Variants in MYO1G observed in about 807,000 individuals in gnomAD.
The protein encoded by MYO1G is myosin IG.
A neutral mutation model predicts 115.3 loss-of-function variants in MYO1G; 65 were observed. That is an observed-to-expected ratio of 0.56 (90% CI 0.46 to 0.69). MYO1G has a LOEUF of 0.69. MYO1G is among the 30% of genes least tolerant of loss of function. The pLI, the probability that MYO1G is intolerant of heterozygous loss-of-function variation, is 0.00. For missense variants in MYO1G, 1,204 were observed against 1,393.5 expected, an observed-to-expected ratio of 0.86 and a Z score of 2.16; for synonymous variants, 510 against 552.6, an observed-to-expected ratio of 0.92 and a Z score of 1.08.
chr7:44,977,060 C>G lies in MYO1G; in HGVS notation c.107G>C (p.Gly36Ala). 1 of 1,612,378 alleles carries G rather than the reference C, an allele frequency of 6.2e-7. No individual in the cohort carries two copies. Among genetic ancestry groups the G allele is most frequent in the Non-Finnish European group, 8.5e-7 (1 of 1,179,660 alleles). ...CTCACCGATGTAGGTGTAGATGCGG[C>G]CCTTCTCGAACCTGGACACAGCAGG... ...MRNLQLRFEK[G>A]RIYTYIGEVL... Residue 36 changes from glycine (G) to alanine (A), a missense_variant, in exon 2 of 22, where the codon GGC (glycine) becomes GCC (alanine). By Grantham distance (60) the Gly-to-Ala change is moderately conservative. Transcript: ENST00000258787.
rs890157132 is a variant in MYO1G at position 44,965,760 on chromosome 7, G to C, written c.2258C>G (p.Ala753Gly). The change falls in exon 17 of 22, where the codon GCT (alanine) becomes GGT (glycine). Residue 753 changes from alanine (A) to glycine (G), a missense_variant. Ala to Gly is a moderately conservative substitution (Grantham distance 60, BLOSUM62 0). Transcript: ENST00000258787. ...AGCCTGGAATCGCCGCTGCAGCTCA[G>C]CCAGGTGAGCCCGCACCTTGTGTCT... ...FRRHKVRAHL[A>G]ELQRRFQAAR... 6.2e-7 allele frequency: 1 copy of C among 1,608,972 alleles called. No individual in the cohort carries two copies. Among genetic ancestry groups the C allele is most frequent in the Non-Finnish European group, 8.5e-7 (1 of 1,179,986 alleles).
Position 44,964,127 on chromosome 7 carries a change from G to A in MYO1G, c.2667C>T (p.Leu889=). ...NRFHKIRNRA[L]LLTDQHLYKL... is the part of the protein sequence containing the mutation. ...TGTAGAGGTGCTGGTCTGTGAGCAG[G>A]AGGGCCCGGTTCCGGATCTTGTGGA... Residue 889 remains leucine (L), a synonymous_variant, in exon 20 of 22, where the codon CTC becomes CTT. Transcript: ENST00000258787. This position sits in a 1 kb window ranked among gnomAD's most constrained non-coding sequence, Gnocchi z 5.1. 6.2e-7 allele frequency: 1 copy of A among 1,605,094 alleles called. No individual in the cohort carries two copies. Among genetic ancestry groups the A allele is most frequent in the Middle Eastern group, 1.7e-4 (1 of 6,038 alleles).
chr7:44,970,649 T>C lies in MYO1G; in HGVS notation c.1160A>G (p.Lys387Arg), dbSNP rs1344538725. ...GTCCAGCACGCCAATGACTGTGTCC[T>C]TGCCATCACGCCGAGGATCCCGGCC... is the stretch of plus-strand genomic sequence containing the variant. Reference protein sequence around the residue: ...PRGRDPRRDGKDTVIGVLDIY... With the variant: ...PRGRDPRRDGRDTVIGVLDIY... The change falls in exon 9 of 22, where the codon AAG becomes AGG. Residue 387 changes from lysine to arginine, a missense_variant. Physicochemically the swap from Lys to Arg is conservative, Grantham distance 26. Coordinates refer to ENST00000258787, the MANE Select transcript of MYO1G (RefSeq NM_033054.3). 1 of 1,613,918 alleles carries C rather than the reference T, an allele frequency of 6.2e-7. No homozygotes were observed. The highest frequency in any genetic ancestry group is 2.2e-5 in the East Asian group (1 of 44,892).
At position 44,963,849 on chromosome 7, in the gene MYO1G, G is replaced by T; in HGVS notation, c.2745+200C>A. ...GGTGGGGGGTGACTGGGCTGGTGGG[G>T]ATCACAGGATGGGACCTTTCACTCT... On this transcript the variant is annotated intron_variant, in intron 20 of 21. Coordinates refer to ENST00000258787, the MANE Select transcript of MYO1G (RefSeq NM_033054.3). The surrounding 1 kb of genome is among the most constrained non-coding windows in gnomAD (Gnocchi z 4.1). The T allele has an allele frequency of 1.7e-6, 1 of 579,056 alleles. No individual in the cohort carries two copies. Among genetic ancestry groups the T allele is most frequent in the Non-Finnish European group, 3.1e-6 (1 of 321,252 alleles). The allele number at this position is 579,056 out of a possible 1,614,324, so 35.9% of individuals were successfully genotyped here.
In MYO1G at chr7:44,963,119, C is replaced by G. The variant is rs761422374; in HGVS notation, c.2751G>C (p.Thr917=). 1.4e-6 allele frequency: 2 copies of G among 1,478,982 alleles called. No homozygotes were observed. The highest frequency in any genetic ancestry group is 1.8e-6 in the Non-Finnish European group (2 of 1,120,082). The allele number at this position is 1,478,982 out of a possible 1,614,324, so 91.6% of individuals were successfully genotyped here. The change falls in exon 21 of 22, where the codon ACG becomes ACC. Residue 917 remains threonine, a synonymous_variant. Transcript: ENST00000258787. The surrounding 1 kb of genome is among the most constrained non-coding windows in gnomAD (Gnocchi z 4.1). ...CTCCTCCGCTGGTCACGCTCAGCCC[C>G]GTCACCTGAGCGGAGCGCGGGGTCA... ...VMRAVPLEAV[T]GLSVTSGGDQ... is the part of the protein sequence containing the mutation.
chr7:44,969,911 G>A lies in MYO1G; in HGVS notation c.1333-36C>T. 5.0e-6 allele frequency: 8 copies of A among 1,589,020 alleles called. No homozygotes were observed. Among genetic ancestry groups the A allele is most frequent in the South Asian group, 2.3e-5 (2 of 86,986 alleles). ...GGCAGCCAGCAAGGAAGCTCCCAAGGTCTTTCAGGCCACCTCCCCTCCTCC... is the reference window on the plus strand; with the variant it reads ...GGCAGCCAGCAAGGAAGCTCCCAAGATCTTTCAGGCCACCTCCCCTCCTCC... On this transcript the variant is annotated intron_variant, in intron 10 of 21. Coordinates refer to ENST00000258787, the MANE Select transcript of MYO1G (RefSeq NM_033054.3). This position sits in a 1 kb window ranked among gnomAD's most constrained non-coding sequence, Gnocchi z 5.0.
chr7:44,978,856 C>G lies in MYO1G; in HGVS notation c.95+11G>C. On this transcript the variant is annotated intron_variant, in intron 1 of 21. Coordinates refer to ENST00000258787, the MANE Select transcript of MYO1G (RefSeq NM_033054.3). ...GAGGAGGGGAGCCACTGCCTCCTGC[C>G]CTGGGCCTACCTGAGCTGCAGGTTC... The G allele has an allele frequency of 6.2e-7, 1 of 1,613,422 alleles. No homozygotes were observed. Among genetic ancestry groups the G allele is most frequent in the Non-Finnish European group, 8.5e-7 (1 of 1,179,388 alleles).
At position 44,975,353 on chromosome 7, in the gene MYO1G, C is replaced by T. The variant is rs1171421659; in HGVS notation, c.565-126G>A. On this transcript the variant is annotated intron_variant, in intron 4 of 21. Coordinates refer to ENST00000258787, the MANE Select transcript of MYO1G (RefSeq NM_033054.3). ...AGTCCTGACTATGAGGACACTGAGG[C>T]CCAGAGAAGGGCCACAGGGAGAGAC... The T allele has an allele frequency of 2.7e-6, 4 of 1,495,870 alleles. No homozygotes were observed. In the African/African-American group the frequency reaches 5.5e-5, roughly 21 times the overall value. The allele number at this position is 1,495,870 out of a possible 1,614,324, so 92.7% of individuals were successfully genotyped here.
Position 44,976,891 on chromosome 7 carries a change from C to T in MYO1G, c.276G>A (p.Arg92=). 1.9e-6 allele frequency: 3 copies of T among 1,613,478 alleles called. No homozygotes were observed. The highest frequency in any genetic ancestry group is 2.5e-6 in the Non-Finnish European group (3 of 1,180,038). The part of the protein sequence containing the change: ...ANAAYKAMKH[R]SRDTCIVISG... The stretch of plus-strand genomic sequence containing the variant: ...AGATGACGATGCAGGTGTCCCTGGA[C>T]CGGTGCTTCATTGCCTTGTAGGCGG... Residue 92 remains arginine (R), a synonymous_variant, in exon 2 of 22, where the codon CGG becomes CGA. Transcript: ENST00000258787.
chr7:44,962,955 C>G lies in MYO1G; in HGVS notation c.2900+15G>C. Reference sequence around the variant, plus strand: ...GCCGGGGCTTCGTGCCCGCTACCGCCCAGCCTGCACTCACCCCTGGCAGTG... The same window carrying G: ...GCCGGGGCTTCGTGCCCGCTACCGCGCAGCCTGCACTCACCCCTGGCAGTG... On this transcript the variant is annotated intron_variant, in intron 21 of 21. Coordinates refer to ENST00000258787, the MANE Select transcript of MYO1G (RefSeq NM_033054.3). This position sits in a 1 kb window ranked among gnomAD's most constrained non-coding sequence, Gnocchi z 5.3. 6.6e-7 allele frequency: 1 copy of G among 1,521,982 alleles called. No individual in the cohort carries two copies. Among genetic ancestry groups the G allele is most frequent in the Non-Finnish European group, 8.8e-7 (1 of 1,138,694 alleles). 94.3% of individuals were successfully genotyped at this position (1,521,982 alleles called of 1,614,324 possible).
chr7:44,963,550 C>T lies in MYO1G; in HGVS notation c.2746-426G>A, dbSNP rs1208716459. ...TTTCTATTGGGACAGTCATGGGACC[C>T]CTGAAACTGTGGGAGACCCAGAGGT... On this transcript the variant is annotated intron_variant, in intron 20 of 21. Coordinates refer to ENST00000258787, the MANE Select transcript of MYO1G (RefSeq NM_033054.3). The surrounding 1 kb of genome is among the most constrained non-coding windows in gnomAD (Gnocchi z 4.1). The T allele has an allele frequency of 9.7e-6, 2 of 205,648 alleles. No homozygotes were observed. The highest frequency in any genetic ancestry group is 1.9e-5 in the Non-Finnish European group (2 of 103,210). The allele number at this position is 205,648 out of a possible 1,614,324, so 12.7% of individuals were successfully genotyped here.
chr7:44,973,159 G>A (rs1056957823), intron 5 of MYO1G: 1 of 152,096 alleles, frequency 6.6e-6, no homozygotes, highest in African/African-American at 2.4e-5. Context: ...CTACTTCATG[G>A]AAACTCAGAG....
At chr7:44,976,534 T>G in intron 3 of MYO1G, 30 bp downstream of exon 3, 2 of 1,607,496 alleles carry the variant, frequency 1.2e-6, no homozygotes, top group South Asian at 2.2e-5. Flanking sequence ...CCTGCCATGC[T>G]GAGGCCCAGA....
chr7:44,970,189 G>A (rs1358304530), intron 9 of MYO1G, 35 bp from the exon 10 acceptor site: 20 of 1,429,180 alleles, frequency 1.4e-5, no homozygotes, highest in African/African-American at 2.8e-5. Flanking sequence ...AGGGGAGGTC[G>A]CTGCTTGTGG....
chr7:44,966,932 G>A lies in MYO1G; in HGVS notation c.1783-94C>T. 1.5e-6 allele frequency: 2 copies of A among 1,329,260 alleles called. No homozygotes were observed. Among genetic ancestry groups the A allele is most frequent in the Non-Finnish European group, 2.1e-6 (2 of 972,696 alleles). The allele number at this position is 1,329,260 out of a possible 1,614,324, so 82.3% of individuals were successfully genotyped here. A position where few individuals can be genotyped will look rare whatever the true frequency, so the allele number is the denominator to read the frequency against. On this transcript the variant is annotated intron_variant, in intron 14 of 21. Transcript: ENST00000258787. This position sits in a 1 kb window ranked among gnomAD's most constrained non-coding sequence, Gnocchi z 5.0. ...GGCTTCCTAACCCCTCAAGGTCCCAGGCCAGGAGAAGAGTTGGGAACAAAG... is the reference window on the plus strand; with the variant it reads ...GGCTTCCTAACCCCTCAAGGTCCCAAGCCAGGAGAAGAGTTGGGAACAAAG...
rs763711119 is a variant in MYO1G, at chr7:44,962,903, A to G, written c.2901-8T>C. The G allele has an allele frequency of 4.0e-6, 6 of 1,489,780 alleles. No individual in the cohort carries two copies. Among genetic ancestry groups the G allele is most frequent in the Admixed American group, 2.3e-5 (1 of 42,788 alleles). 92.3% of individuals were successfully genotyped at this position (1,489,780 alleles called of 1,614,324 possible). A position where few individuals can be genotyped will look rare whatever the true frequency, so the allele number is the denominator to read the frequency against. On this transcript the variant is annotated splice_region_variant and splice_polypyrimidine_tract_variant and intron_variant, in intron 21 of 21. Coordinates refer to ENST00000258787, the MANE Select transcript of MYO1G (RefSeq NM_033054.3). This position sits in a 1 kb window ranked among gnomAD's most constrained non-coding sequence, Gnocchi z 5.3. Reference sequence around the variant, plus strand: ...TCCAGGGTGCGGCCCTCCCTGCGGCAGGAGGAGGGGTCAGGGCGGCCACGC... The same window carrying G: ...TCCAGGGTGCGGCCCTCCCTGCGGCGGGAGGAGGGGTCAGGGCGGCCACGC...
intron 12 of MYO1G, 125 bp from the exon 13 acceptor site, chr7:44,968,083 C>A: frequency 1.3e-6 from 1 of 760,464 alleles, no homozygotes; most frequent in African/African-American, 1.7e-5. Flanking sequence ...CTCTCTTCCT[C>A]CCTCTGCCTT....
intron 17 of MYO1G, among the ~76,000 whole-genome samples, chr7:44,965,359 G>T (rs769064011): frequency 6.6e-6 from 1 of 152,174 alleles, no homozygotes; most frequent in South Asian, 2.1e-4. Context: ...TCAAGACCCC[G>T]CTCAGATGCA....
At chr7:44,978,466 T>A (rs563471081) in intron 1 of MYO1G, among the ~76,000 whole-genome samples, 1 of 152,272 alleles carries the variant, frequency 6.6e-6, no homozygotes, top group African/African-American at 2.4e-5. Flanking sequence ...CATCAACAAC[T>A]GGCTGGGAAG....
Sources: allele counts gnomAD v4.1 joint callset (sites outside exome capture counted in the v4.1 genomes callset), GRCh38; gene constraint gnomAD v4.1.1; non-coding constraint Gnocchi (gnomAD v3.1); transcripts MANE v1.5; gene names NCBI Gene and HGNC (gene_info 2026-07-23, HGNC 2026-07-21).